SCN9A: variants seen among roughly 807,000 people sequenced by gnomAD.
SCN9A encodes sodium voltage-gated channel alpha subunit 9, also known as sodium channel protein type 9 subunit alpha.
Under a neutral mutation model 187.0 loss-of-function variants are expected in SCN9A, and 131 were observed. The observed-to-expected ratio is 0.70, with a 90% confidence interval of 0.61 to 0.81. The LOEUF is 0.81. SCN9A is among the 30% of genes least tolerant of loss of function. The probability of loss-of-function intolerance (pLI) is 0.00; values close to 1 mark genes in which losing one functional copy is unlikely to be tolerated. For missense variants in SCN9A, 2,252 were observed against 2,396.6 expected (o/e 0.94, Z 1.26); for synonymous variants, 809 against 808.6 (o/e 1.00, Z -0.01).
chr2:166,272,330 A>G (rs1697026891), intron 17 of SCN9A, 69 bp downstream of exon 17: 1 of 1,035,076 alleles, frequency 9.7e-7, no homozygotes, highest in African/African-American at 1.6e-5. Flanking sequence ...TGACAATAGA[A>G]ATATGAAATT....
intron 24 of SCN9A, among the ~76,000 whole-genome samples, chr2:166,212,553 T>C (rs187788520): frequency 1.1e-3 from 164 of 152,296 alleles, no homozygotes; most frequent in African/African-American, 3.9e-3. Context: ...GATACATCAA[T>C]ACCCGACTTG....
At chr2:166,228,479 G>A (rs1042202850) in intron 22 of SCN9A, among the ~76,000 whole-genome samples, 6 of 151,702 alleles carry the variant, frequency 4.0e-5, no homozygotes, top group South Asian at 2.1e-4. Flanking sequence ...GACTGGTCTC[G>A]AACTCCTGAC....
chr2:166,200,523 T>TCTA (rs141331381), intron 26 of SCN9A, among the ~76,000 whole-genome samples: 1 of 152,156 alleles, frequency 6.6e-6, no homozygotes, highest in Non-Finnish European at 1.5e-5. Flanking sequence ...ACCTGAAATG[T>TCTA]CAACAATAAC....
intron 24 of SCN9A, among the ~76,000 whole-genome samples, chr2:166,216,601 A>C (rs1166089739): frequency 6.6e-6 from 1 of 152,056 alleles, no homozygotes; most frequent in Non-Finnish European, 1.5e-5. Flanking sequence ...GAGGTATCCA[A>C]CAAAGAAATT....
chr2:166,230,878 A>G (rs1427374798), intron 21 of SCN9A, among the ~76,000 whole-genome samples: 2 of 152,164 alleles, frequency 1.3e-5, no homozygotes, highest in African/African-American at 4.8e-5. Context: ...ACAGGCACCT[A>G]TTGGTCTGAT....
At chr2:166,275,320 C>T (rs1212791006) in intron 16 of SCN9A, among the ~76,000 whole-genome samples, 1 of 151,928 alleles carries the variant, frequency 6.6e-6, no homozygotes, top group Non-Finnish European at 1.5e-5. Flanking sequence ...CGCAGTAGCT[C>T]ACGCCTGTAA....
At chr2:166,314,600 T>A (rs149102734) in intron 1 of SCN9A, among the ~76,000 whole-genome samples, 3 of 152,192 alleles carry the variant, frequency 2.0e-5, no homozygotes, top group African/African-American at 4.8e-5. Context: ...ATGTGGGATA[T>A]TCAAACACTG....
intron 1 of SCN9A, among the ~76,000 whole-genome samples, chr2:166,320,879 G>A (rs2105244908): frequency 6.6e-6 from 1 of 152,152 alleles, no homozygotes; most frequent in Non-Finnish European, 1.5e-5. Context: ...CTCCACTGTG[G>A]CTATTGACCA....
intron 1 of SCN9A, among the ~76,000 whole-genome samples, chr2:166,350,181 A>C (rs1027030751): frequency 7.2e-5 from 11 of 152,136 alleles, no homozygotes; most frequent in African/African-American, 2.7e-4. Context: ...TATACTACAA[A>C]AATTCTATGA....
intron 19 of SCN9A, among the ~76,000 whole-genome samples, chr2:166,241,846 A>G (rs1465203365): frequency 1.3e-5 from 2 of 152,154 alleles, no homozygotes; most frequent in African/African-American, 2.4e-5. Flanking sequence ...GTGAAAGTTG[A>G]TCATACAAAT....
At chr2:166,244,191 G>A (rs1355392419) in intron 18 of SCN9A, among the ~76,000 whole-genome samples, 6 of 151,916 alleles carry the variant, frequency 3.9e-5, no homozygotes, top group Non-Finnish European at 7.4e-5. Flanking sequence ...AACCTGAAAC[G>A]GGAAAAACCT....
chr2:166,355,032 G>A (rs946745967), intron 1 of SCN9A, among the ~76,000 whole-genome samples: 2 of 151,822 alleles, frequency 1.3e-5, no homozygotes, highest in Non-Finnish European at 2.9e-5. Context: ...AAACCTCATG[G>A]GCTCAAGTGT....
chr2:166,203,932 A>G, intron 26 of SCN9A, 23 bp downstream of exon 26: 1 of 1,417,396 alleles, frequency 7.1e-7, no homozygotes, highest in Non-Finnish European at 9.7e-7. Flanking sequence ...AAAAAATAAA[A>G]TCTGAAAAAT....
intron 26 of SCN9A, among the ~76,000 whole-genome samples, chr2:166,201,268 T>C (rs987780949): frequency 3.4e-5 from 5 of 145,294 alleles, no homozygotes; most frequent in Admixed American, 1.4e-4. Flanking sequence ...ACTATACATA[T>C]ACATATACTA....
At chr2:166,360,219 C>CAAAAAAAAAAA (rs1251018524) in intron 1 of SCN9A, among the ~76,000 whole-genome samples, 3 of 24,002 alleles carry the variant, frequency 1.2e-4, no homozygotes, top group Non-Finnish European at 2.3e-4. Flanking sequence ...AACTCTGTCT[C>CAAAAAAAAAAA]AAAAAAAAAA....
intron 26 of SCN9A, among the ~76,000 whole-genome samples, chr2:166,201,674 A>ACG (rs1366593399): frequency 1.3e-5 from 2 of 149,198 alleles, no homozygotes; most frequent in African/African-American, 4.9e-5. Context: ...ATACATATAT[A>ACG]CATACTCTAT....
At chr2:166,250,309 T>C (rs1199174553) in intron 18 of SCN9A, among the ~76,000 whole-genome samples, 1 of 152,148 alleles carries the variant, frequency 6.6e-6, no homozygotes, top group Non-Finnish European at 1.5e-5. Flanking sequence ...CTATCATAAC[T>C]TCTGTATAAG....
intron 10 of SCN9A, among the ~76,000 whole-genome samples, chr2:166,287,521 A>G (rs73969660): frequency 0.041 from 6,304 of 152,216 alleles, 393 homozygotes; most frequent in African/African-American, 0.13. Flanking sequence ...AAAATGCTGC[A>G]CTGAATATTT....
In SCN9A at chr2:166,204,088, T is replaced by TA; in HGVS notation, c.4640dup (p.Leu1547PhefsTer36). 6.2e-7 allele frequency: 1 copy of TA among 1,612,800 alleles called. No homozygotes were observed. The highest frequency in any genetic ancestry group is 2.2e-5 in the East Asian group (1 of 44,776). Reference sequence around the variant, plus strand: ...TTATAAAAACCACATTTATCCAATATAAAACTTCAGTCATATGTTGACTTT... The same window carrying TA: ...TTATAAAAACCACATTTATCCAATATAAAAACTTCAGTCATATGTTGACTTT... On this transcript the variant is annotated frameshift_variant, in exon 26 of 27. Transcript: ENST00000642356. LOFTEE classifies it high-confidence loss of function.
Sources: gnomAD v4.1 joint callset for allele counts (sites outside exome capture counted in the v4.1 genomes callset) on GRCh38, gnomAD v4.1.1 for gene constraint, MANE v1.5 for transcripts, NCBI Gene and HGNC (gene_info 2026-07-23, HGNC 2026-07-21) for gene names.